Variants in ISG20 observed in about 807,000 individuals in gnomAD.
The protein encoded by ISG20 is interferon stimulated exonuclease gene 20, also known as interferon-stimulated gene 20 kDa protein.
A neutral mutation model predicts 11.1 loss-of-function variants in ISG20; 8 were observed. The ratio of observed to expected loss-of-function variants is 0.72; its 90% CI spans 0.42 to 1.30. The LOEUF is 1.30. Ranked by LOEUF, ISG20 falls within the 50% of genes most tolerant of loss-of-function variation. The pLI, the probability that ISG20 is intolerant of heterozygous loss-of-function variation, is 0.01. For synonymous variants in ISG20, 110 were observed against 101.7 expected, an observed-to-expected ratio of 1.08 and a Z score of -0.49; for missense variants, 243 against 250.2, an observed-to-expected ratio of 0.97 and a Z score of 0.19.
chr15:88,650,564 C>T lies in ISG20; in HGVS notation c.229-1546C>T, dbSNP rs564138748. The T allele has an allele frequency of 3.1e-5, 29 of 945,730 alleles. No individual in the cohort carries two copies. The highest frequency in any genetic ancestry group is 4.0e-5 in the Non-Finnish European group (28 of 694,024). The allele number at this position is 945,730 out of a possible 1,614,324, so 58.6% of individuals were successfully genotyped here. ...GTTCAAACAATGTCAATACTTATTT[C>T]GCTCGGCCACCTGCAGTTTGGGCAG... On this transcript the variant is annotated intron_variant, in intron 2 of 3. Transcript: ENST00000306072. This position sits in a 1 kb window ranked among gnomAD's most constrained non-coding sequence, Gnocchi z 4.0.
At chr15:88,651,721 G>T (rs914272085) in intron 2 of ISG20, 1 of 950,594 alleles carries the variant, frequency 1.1e-6, no homozygotes, top group Admixed American at 5.1e-5. Flanking sequence ...CAGATCCTGG[G>T]GACTAGGGTG....
At chr15:88,655,346 G>C (rs2058356703) in intron 3 of ISG20, 69 bp from the exon 4 acceptor site, 2 of 1,401,624 alleles carry the variant, frequency 1.4e-6, no homozygotes, top group African/African-American at 1.4e-5. Context: ...TGTGACCAGG[G>C]AAGACCCTGT....
At position 88,639,529 on chromosome 15, in the gene ISG20, CGGGT is replaced by C; in HGVS notation, c.164_167del (p.Arg55ProfsTer20). The C allele has an allele frequency of 6.2e-7, 1 of 1,614,124 alleles. No individual in the cohort carries two copies. The highest frequency in any genetic ancestry group is 1.3e-5 in the African/African-American group (1 of 75,020). ...GGGAGAGATCACCGATTACAGAACC[CGGGT>C]CAGCGGGGTCACCCCTCAGCACATG... On this transcript the variant is annotated frameshift_variant, in exon 2 of 4. Coordinates refer to ENST00000306072, the MANE Select transcript of ISG20 (RefSeq NM_002201.6). LOFTEE classifies it high-confidence loss of function. This position sits in a 1 kb window ranked among gnomAD's most constrained non-coding sequence, Gnocchi z 4.2.
rs535341571 is a variant in ISG20, at chr15:88,639,385, G to C, written c.19G>C (p.Val7Leu). The C allele has an allele frequency of 3.7e-6, 6 of 1,613,258 alleles. No individual in the cohort carries two copies. The African/African-American group carries it at 5.3e-5, about 14-fold the overall frequency. Residue 7 changes from valine (V) to leucine (L), a missense_variant, in exon 2 of 4, where the codon GTG becomes CTG. Coordinates refer to ENST00000306072, the MANE Select transcript of ISG20 (RefSeq NM_002201.6). This position sits in a 1 kb window ranked among gnomAD's most constrained non-coding sequence, Gnocchi z 4.2. ...AAGGAACATGGCTGGGAGCCGTGAG[G>C]TGGTGGCCATGGACTGCGAGATGGT... is the stretch of plus-strand genomic sequence containing the variant. MAGSREVVAMDCEMVGL... is the reference protein window; with the variant it reads MAGSRELVAMDCEMVGL...
At position 88,655,510 on chromosome 15, in the gene ISG20, C is replaced by T; in HGVS notation, c.525C>T (p.Pro175=). 1 of 1,613,816 alleles carries T rather than the reference C, an allele frequency of 6.2e-7. No individual in the cohort carries two copies. Residue 175 remains proline (P), a synonymous_variant, in exon 4 of 4, where the codon CCC becomes CCT. Coordinates refer to ENST00000306072, the MANE Select transcript of ISG20 (RefSeq NM_002201.6). ...GAATCCGAGCCCGCCGAGGGCTGCC[C>T]CGCCTGGCTGTGTCAGACTGAAGCC... ...SQRIRARRGL[P]RLAVSD
intron 3 of ISG20, 83 bp from the exon 4 acceptor site, chr15:88,655,332 G>C (rs963072265): frequency 7.9e-7 from 1 of 1,259,888 alleles, no homozygotes; most frequent in East Asian, 2.3e-5. Context: ...TCTGGAAATC[G>C]GGATGTGACC....
Position 88,639,704 on chromosome 15 carries a change from C to T in ISG20, c.228+110C>T. The T allele has an allele frequency of 1.3e-6, 1 of 797,574 alleles. No individual in the cohort carries two copies. Among genetic ancestry groups the T allele is most frequent in the Non-Finnish European group, 2.0e-6 (1 of 495,190 alleles). 49.4% of individuals were successfully genotyped at this position (797,574 alleles called of 1,614,324 possible). On this transcript the variant is annotated intron_variant, in intron 2 of 3. Transcript: ENST00000306072. The surrounding 1 kb of genome is among the most constrained non-coding windows in gnomAD (Gnocchi z 4.2). ...ACCTGTGACCCCACTTGTAAGATTT[C>T]CCACACTGCTGTTGGGAGAAAGCCG...
chr15:88,640,383 C>G (rs1476291572), intron 2 of ISG20, among the ~76,000 whole-genome samples: 1 of 152,178 alleles, frequency 6.6e-6, no homozygotes, highest in Non-Finnish European at 1.5e-5. Flanking sequence ...TGACTGAGCA[C>G]TCACTATGCA....
At chr15:88,651,178 G>C (rs1332558207) in intron 2 of ISG20, 3 of 984,350 alleles carry the variant, frequency 3.0e-6, no homozygotes, top group Admixed American at 6.1e-5. Context: ...AGAGTGTCAA[G>C]GAATTTGCAA....
At chr15:88,642,686 G>A (rs942947879) in intron 2 of ISG20, among the ~76,000 whole-genome samples, 1 of 152,106 alleles carries the variant, frequency 6.6e-6, no homozygotes, top group Non-Finnish European at 1.5e-5. Context: ...GCGCGATCTC[G>A]GCTCACTACA....
At chr15:88,654,935 G>A (rs1024182668) in intron 3 of ISG20, among the ~76,000 whole-genome samples, 6 of 151,798 alleles carry the variant, frequency 4.0e-5, no homozygotes, top group East Asian at 1.9e-4. Flanking sequence ...CCCCACCCTC[G>A]CAGGCCTCTT....
intron 2 of ISG20, among the ~76,000 whole-genome samples, chr15:88,642,219 G>C (rs1567115239): frequency 6.6e-6 from 1 of 152,176 alleles, no homozygotes; most frequent in African/African-American, 2.4e-5. Context: ...GTGAATCACT[G>C]TGCCCAGCCA....
At chr15:88,636,434 TGGGGCC>T (rs2057986272), upstream of ISG20, 5 of 152,226 alleles carry the variant, frequency 3.3e-5, no homozygotes, top group Non-Finnish European at 5.9e-5. Flanking sequence ...TTCTAGGTGC[TGGGGCC>T]CCAGTTTTGA....
intron 2 of ISG20, among the ~76,000 whole-genome samples, chr15:88,642,364 T>C (rs1567115339): frequency 6.6e-6 from 1 of 152,186 alleles, no homozygotes; most frequent in East Asian, 1.9e-4. Flanking sequence ...TCTGAGGTAT[T>C]GGGGGTTAGG....
At chr15:88,648,167 C>G (rs904519897) in intron 2 of ISG20, 3 of 152,296 alleles carry the variant, frequency 2.0e-5, no homozygotes, top group Non-Finnish European at 4.4e-5. Context: ...TACTCATAGC[C>G]TCCTCTCCTG....
chr15:88,641,064 C>T (rs951327723), intron 2 of ISG20, among the ~76,000 whole-genome samples: 2 of 151,968 alleles, frequency 1.3e-5, no homozygotes, highest in Non-Finnish European at 2.9e-5. Context: ...ATGATCTTGG[C>T]TCTCTGCAAC....
intron 3 of ISG20, among the ~76,000 whole-genome samples, chr15:88,655,026 C>G (rs28552715): frequency 0.5 from 75,718 of 152,146 alleles, 20,085 homozygotes; most frequent in Middle Eastern, 0.62. Context: ...TGTGTTCTCT[C>G]TGAGCAGCCC....
chr15:88,649,789 G>T, intron 2 of ISG20: 1 of 176,802 alleles, frequency 5.7e-6, no homozygotes, highest in Non-Finnish European at 1.2e-5. Context: ...TTCAGGAGCA[G>T]CGCCCCTTCA....
chr15:88,639,710 C>A lies in ISG20; in HGVS notation c.228+116C>A. On this transcript the variant is annotated intron_variant, in intron 2 of 3. Transcript: ENST00000306072. This position sits in a 1 kb window ranked among gnomAD's most constrained non-coding sequence, Gnocchi z 4.2. ...GACCCCACTTGTAAGATTTCCCACACTGCTGTTGGGAGAAAGCCGGTGGTG... is the reference window on the plus strand; with the variant it reads ...GACCCCACTTGTAAGATTTCCCACAATGCTGTTGGGAGAAAGCCGGTGGTG... The A allele has an allele frequency of 1.3e-6, 1 of 769,380 alleles. No homozygotes were observed. The highest frequency in any genetic ancestry group is 2.5e-5 in the Admixed American group (1 of 40,368). The allele number at this position is 769,380 out of a possible 1,614,324, so 47.7% of individuals were successfully genotyped here.
Sources: allele counts gnomAD v4.1 joint callset (sites outside exome capture counted in the v4.1 genomes callset), GRCh38; gene constraint gnomAD v4.1.1; non-coding constraint Gnocchi (gnomAD v3.1); transcripts MANE v1.5; gene names NCBI Gene and HGNC (gene_info 2026-07-23, HGNC 2026-07-21).